Variants in ARHGEF12 observed in about 807,000 individuals in gnomAD.
The protein encoded by ARHGEF12 is Rho guanine nucleotide exchange factor 12, also known as KMT2A/ARHGEF12 fusion protein.
A neutral mutation model predicts 211.2 loss-of-function variants in ARHGEF12; 66 were observed. The ratio of observed to expected loss-of-function variants is 0.31; its 90% CI spans 0.26 to 0.38. The LOEUF is 0.38. ARHGEF12 is among the 10% of genes least tolerant of loss of function. The probability of loss-of-function intolerance (pLI) is 1.00; values close to 1 mark genes in which losing one functional copy is unlikely to be tolerated. For synonymous variants in ARHGEF12, 592 were observed against 638.4 expected (o/e 0.93, Z 1.09); for missense variants, 1,429 against 1,869.5 (o/e 0.76, Z 4.34).
intron 1 of ARHGEF12, among the ~76,000 whole-genome samples, chr11:120,380,936 G>A (rs889541295): frequency 6.6e-5 from 10 of 152,034 alleles, no homozygotes; most frequent in South Asian, 6.2e-4. Context: ...AAGGTTTTCC[G>A]GTTACTGTTT....
chr11:120,463,541 A>C (rs1034591304), intron 27 of ARHGEF12: 2 of 152,356 alleles, frequency 1.3e-5, no homozygotes, highest in Admixed American at 6.6e-5. Flanking sequence ...AAAAAAAAAA[A>C]AAAAACCAAA....
chr11:120,437,655 A>T, intron 12 of ARHGEF12, among the ~76,000 whole-genome samples: 1 of 152,090 alleles, frequency 6.6e-6, no homozygotes, highest in East Asian at 1.9e-4. Flanking sequence ...AAGTATATTC[A>T]CATTGTTGTG....
At chr11:120,417,591 TGCAACCTCCA>T (rs1487475011) in intron 4 of ARHGEF12, among the ~76,000 whole-genome samples, 2 of 149,764 alleles carry the variant, frequency 1.3e-5, no homozygotes, top group African/African-American at 4.9e-5. Flanking sequence ...CTCGGCTCAC[TGCAACCTCCA>T]GCTCCCAGAT....
intron 26 of ARHGEF12, among the ~76,000 whole-genome samples, chr11:120,459,953 C>A (rs1363112694): frequency 6.6e-6 from 1 of 152,172 alleles, no homozygotes; most frequent in Non-Finnish European, 1.5e-5. Flanking sequence ...AGTGATCCAC[C>A]CGCCTGCCTT....
At chr11:120,431,703 A>G (rs1219761654) in intron 10 of ARHGEF12, 68 bp from the exon 11 acceptor site, 2 of 1,442,480 alleles carry the variant, frequency 1.4e-6, no homozygotes, top group East Asian at 2.4e-5. Context: ...CTATTTCTTT[A>G]TGCAGCAAGT....
In ARHGEF12 at chr11:120,357,909, C is replaced by T. The variant is rs957431558; in HGVS notation, c.32+20634C>T. On this transcript the variant is annotated intron_variant, in intron 1 of 40. Coordinates refer to ENST00000397843, the MANE Select transcript of ARHGEF12 (RefSeq NM_015313.3). ...ATAAGGACATAGAGGTGAAATAGCT[C>T]ACATTTTCAGGAACTGCATATAGTT... Among the ~76,000 whole-genome samples, 3 of 152,060 alleles carry T rather than the reference C, an allele frequency of 2.0e-5. No homozygotes were observed. The East Asian group carries it at 5.8e-4, about 29-fold the overall frequency.
chr11:120,482,881 C>T (rs1440033300), intron 39 of ARHGEF12, among the ~76,000 whole-genome samples: 1 of 152,098 alleles, frequency 6.6e-6, no homozygotes, highest in East Asian at 1.9e-4. Flanking sequence ...ACTGGTCTCC[C>T]TTAGTTTCTC....
chr11:120,363,044 G>A (rs1235881707), intron 1 of ARHGEF12, among the ~76,000 whole-genome samples: 3 of 152,186 alleles, frequency 2.0e-5, no homozygotes, highest in South Asian at 2.1e-4. Flanking sequence ...AGCTTGCAGT[G>A]AGCTGAGATC....
chr11:120,419,550 G>A (rs1035050005), intron 4 of ARHGEF12, among the ~76,000 whole-genome samples: 1 of 151,116 alleles, frequency 6.6e-6, no homozygotes, highest in Non-Finnish European at 1.5e-5. Flanking sequence ...AAGGGTTAAG[G>A]TTCATGTTAA....
chr11:120,475,563 G>C, intron 33 of ARHGEF12, 56 bp downstream of exon 33: 1 of 1,560,418 alleles, frequency 6.4e-7, no homozygotes, highest in Non-Finnish European at 8.8e-7. Flanking sequence ...AGTTGCATAA[G>C]ATACTCGGTG....
intron 1 of ARHGEF12, among the ~76,000 whole-genome samples, chr11:120,400,339 G>A (rs1424048430): frequency 6.6e-6 from 1 of 152,024 alleles, no homozygotes; most frequent in African/African-American, 2.4e-5. Context: ...AGATCATTTT[G>A]TAGAGTCCAG....
chr11:120,347,555 C>A (rs987373419), intron 1 of ARHGEF12, among the ~76,000 whole-genome samples: 5 of 152,078 alleles, frequency 3.3e-5, no homozygotes, highest in Admixed American at 2.0e-4. Context: ...TCTATCATAT[C>A]TTTAAGATGA....
intron 1 of ARHGEF12, among the ~76,000 whole-genome samples, chr11:120,376,325 TG>T (rs1943721985): frequency 6.6e-6 from 1 of 152,218 alleles, no homozygotes; most frequent in Non-Finnish European, 1.5e-5. Flanking sequence ...TTTCCTTTCC[TG>T]TCGAATTCTA....
chr11:120,428,114 C>T lies in ARHGEF12; in HGVS notation c.452C>T (p.Ser151Leu), dbSNP rs777224506. The change falls in exon 8 of 41, where the codon TCG (serine) becomes TTG (leucine). Residue 151 changes from serine (S) to leucine (L), a missense_variant. By Grantham distance (145) the Ser-to-Leu change is moderately radical (BLOSUM62 -2). This residue lies in a region of ARHGEF12 where 254 missense variants were observed against 286.4 expected (regional missense o/e 0.89). Transcript: ENST00000397843. ...ACTGTTCAGGGACGCCCACCTGGGTCGCCCCAGATTCCACTTGCCGACTCT... is the reference window on the plus strand; with the variant it reads ...ACTGTTCAGGGACGCCCACCTGGGTTGCCCCAGATTCCACTTGCCGACTCT... ...ALTVQGRPPG[S>L]PQIPLADSEV... 28 of 1,608,000 alleles carry T rather than the reference C, an allele frequency of 1.7e-5. No individual in the cohort carries two copies. Among genetic ancestry groups the T allele is most frequent in the Admixed American group, 5.1e-5 (3 of 59,200 alleles).
At chr11:120,406,293 A>G in intron 2 of ARHGEF12, 152 bp downstream of exon 2, 1 of 518,020 alleles carries the variant, frequency 1.9e-6, no homozygotes, top group Non-Finnish European at 3.2e-6. Flanking sequence ...TAAAATGTAA[A>G]AGATGTTACT....
chr11:120,412,261 G>C (rs1944907618), intron 4 of ARHGEF12, among the ~76,000 whole-genome samples: 1 of 152,214 alleles, frequency 6.6e-6, no homozygotes, highest in African/African-American at 2.4e-5. Flanking sequence ...CCGCTGTCAT[G>C]GTGTCTGAAC....
At chr11:120,479,933 T>A in intron 37 of ARHGEF12, 27 bp from the exon 38 acceptor site, 1 of 1,585,802 alleles carries the variant, frequency 6.3e-7, no homozygotes, top group South Asian at 1.1e-5. Flanking sequence ...ATATGTTTTT[T>A]TTCCCCCTCC....
At chr11:120,422,906 A>C (rs1267490664) in intron 6 of ARHGEF12, among the ~76,000 whole-genome samples, 2 of 152,212 alleles carry the variant, frequency 1.3e-5, no homozygotes, top group Non-Finnish European at 2.9e-5. Flanking sequence ...AGAATGGGTT[A>C]GTTAGTAACT....
At chr11:120,376,411 C>G (rs1259138899) in intron 1 of ARHGEF12, among the ~76,000 whole-genome samples, 1 of 152,084 alleles carries the variant, frequency 6.6e-6, no homozygotes, top group African/African-American at 2.4e-5. Context: ...GTCAGTTTAT[C>G]TGCAATTTAA....
Sources: allele counts gnomAD v4.1 joint callset (sites outside exome capture counted in the v4.1 genomes callset), GRCh38; gene constraint gnomAD v4.1.1; regional missense constraint gnomAD v4.1.1; transcripts MANE v1.5; gene names NCBI Gene and HGNC (gene_info 2026-07-23, HGNC 2026-07-21).